The following KCNN2 variants were observed in gnomAD, a reference collection of about 807,000 sequenced individuals.
KCNN2 encodes the protein small conductance calcium-activated potassium channel protein 2.
Under a neutral mutation model 55.5 loss-of-function variants are expected in KCNN2, and 24 were observed. The ratio of observed to expected loss-of-function variants is 0.43; its 90% CI spans 0.31 to 0.61. The LOEUF (loss-of-function observed/expected upper bound fraction) is 0.61, where lower values mean the gene tolerates loss of function less well. Ranked by LOEUF, KCNN2 falls within the 20% of genes least tolerant of loss-of-function variation. The pLI is 0.08. For synonymous variants in KCNN2, 431 were observed against 336.1 expected (o/e 1.28, Z -3.09); for missense variants, 754 against 853.6 (o/e 0.88, Z 1.45).
rs768071219 is a variant in KCNN2 at position 114,127,112 on chromosome 5, C to G, written c.-271+70612C>G. On this transcript the variant is annotated intron_variant, in intron 1 of 10. Coordinates refer to the KCNN2 transcript ENST00000512097. ...ATGAGCTGGCATTGAGCGTCTGAGA[C>G]TTTTCCAGGTGCATGGTGCAAGCTG... 1.6e-4 allele frequency among the ~76,000 whole-genome samples: 25 copies of G among 152,156 alleles called. 1 individual carries two copies. The highest frequency in any genetic ancestry group is 2.5e-4 in the Non-Finnish European group (17 of 68,040).
At chr5:114,059,515 C>T (rs1750282620) in intron 1 of KCNN2, among the ~76,000 whole-genome samples, 1 of 151,948 alleles carries the variant, frequency 6.6e-6, no homozygotes. Context: ...TGTTTTTTCC[C>T]CTAGCAAAGT....
chr5:114,211,024 C>CCAGT (rs895955348), intron 1 of KCNN2, among the ~76,000 whole-genome samples: 35 of 151,960 alleles, frequency 2.3e-4, no homozygotes. Context: ...CCATTTCACA[C>CCAGT]CAGTCAGAAT....
intron 3 of KCNN2, among the ~76,000 whole-genome samples, chr5:114,421,236 A>AT (rs397708071): frequency 6.6e-6 from 1 of 151,768 alleles, no homozygotes; most frequent in Non-Finnish European, 1.5e-5. Context: ...CAAAAAAAAA[A>AT]GCCAACATGT....
intron 1 of KCNN2, among the ~76,000 whole-genome samples, chr5:114,192,092 G>T (rs970199388): frequency 6.6e-6 from 1 of 152,142 alleles, no homozygotes; most frequent in Non-Finnish European, 1.5e-5. Flanking sequence ...GCCAAGATGT[G>T]CATTTTTAGG....
At chr5:114,374,364 T>G (rs1253076559) in intron 2 of KCNN2, among the ~76,000 whole-genome samples, 1 of 152,186 alleles carries the variant, frequency 6.6e-6, no homozygotes, top group Non-Finnish European at 1.5e-5. Context: ...TACATGTAAA[T>G]GACTGTAGTT....
chr5:114,349,209 G>A (rs1341389903), intron 2 of KCNN2, among the ~76,000 whole-genome samples: 2 of 152,040 alleles, frequency 1.3e-5, no homozygotes, highest in Non-Finnish European at 2.9e-5. Context: ...AGGTTCATCC[G>A]TGTTGTATCA....
intron 3 of KCNN2, among the ~76,000 whole-genome samples, chr5:114,410,219 G>A (rs35212566): frequency 2.8e-3 from 431 of 152,202 alleles, no homozygotes; most frequent in Admixed American, 4.3e-3. Flanking sequence ...CTGAAGATTG[G>A]GAATTATCCA....
At chr5:114,218,089 A>T (rs779441969) in intron 1 of KCNN2, among the ~76,000 whole-genome samples, 1 of 152,246 alleles carries the variant, frequency 6.6e-6, no homozygotes, top group Non-Finnish European at 1.5e-5. Flanking sequence ...GAATGCTGAC[A>T]ATACCAAATG....
At chr5:114,297,930 G>T (rs1384585954) in intron 2 of KCNN2, among the ~76,000 whole-genome samples, 1 of 151,972 alleles carries the variant, frequency 6.6e-6, no homozygotes, top group African/African-American at 2.4e-5. Context: ...TTCCTTATAC[G>T]TGAAATGGAA....
At chr5:114,434,736 G>C (rs1266271403) in intron 3 of KCNN2, among the ~76,000 whole-genome samples, 1 of 152,104 alleles carries the variant, frequency 6.6e-6, no homozygotes, top group African/African-American at 2.4e-5. Flanking sequence ...GTGCTTCTCA[G>C]GTTTTTTTCC....
At chr5:114,290,518 C>A (rs1280932052) in intron 2 of KCNN2, among the ~76,000 whole-genome samples, 1 of 151,880 alleles carries the variant, frequency 6.6e-6, no homozygotes, top group Non-Finnish European at 1.5e-5. Context: ...TTATCAATTT[C>A]ATTGATTTTT....
chr5:114,245,754 C>T (rs549213492), intron 2 of KCNN2, among the ~76,000 whole-genome samples: 1 of 152,280 alleles, frequency 6.6e-6, no homozygotes, highest in Non-Finnish European at 1.5e-5. Flanking sequence ...CTCTTCCTTT[C>T]ACAGTTGAGG....
intron 1 of KCNN2, among the ~76,000 whole-genome samples, chr5:114,166,756 C>T (rs1388525531): frequency 2.6e-5 from 4 of 152,064 alleles, no homozygotes; most frequent in Non-Finnish European, 5.9e-5. Context: ...ATGTTGAAAT[C>T]CCAACCCGTA....
intron 1 of KCNN2, among the ~76,000 whole-genome samples, chr5:114,169,898 G>A (rs1365912766): frequency 1.3e-5 from 2 of 152,068 alleles, no homozygotes; most frequent in African/African-American, 2.4e-5. Context: ...ATTTTGAGCA[G>A]TGTGAAATAG....
chr5:114,460,221 G>T (rs1462495602), intron 3 of KCNN2, among the ~76,000 whole-genome samples: 3 of 151,914 alleles, frequency 2.0e-5, no homozygotes, highest in Non-Finnish European at 4.4e-5. Context: ...ACATGCCTAG[G>T]AAGGTTGTTT....
intron 1 of KCNN2, among the ~76,000 whole-genome samples, chr5:114,175,365 T>C (rs1753114073): frequency 6.6e-6 from 1 of 152,228 alleles, no homozygotes; most frequent in Non-Finnish European, 1.5e-5. Context: ...TTTCTAGGCA[T>C]AGGTAAATTT....
At chr5:114,490,578 T>G (rs1747797854) in intron 6 of KCNN2, 3 of 396,178 alleles carry the variant, frequency 7.6e-6, no homozygotes, top group Non-Finnish European at 1.3e-5. Flanking sequence ...TTCCAGCTAA[T>G]GAATCGAGCC....
intron 1 of KCNN2, among the ~76,000 whole-genome samples, chr5:114,075,818 A>G (rs1010806851): frequency 6.6e-6 from 1 of 152,174 alleles, no homozygotes; most frequent in Non-Finnish European, 1.5e-5. Flanking sequence ...CCATGCTGCT[A>G]CTTCTATGTT....
chr5:114,440,426 C>T (rs1226333672), intron 3 of KCNN2, among the ~76,000 whole-genome samples: 1 of 152,080 alleles, frequency 6.6e-6, no homozygotes, highest in African/African-American at 2.4e-5. Context: ...TAAAGGATTT[C>T]CCTCAAAAAG....
Sources: allele counts gnomAD v4.1 joint callset (sites outside exome capture counted in the v4.1 genomes callset), GRCh38; gene constraint gnomAD v4.1.1; transcripts MANE v1.5; gene names NCBI Gene and HGNC (gene_info 2026-07-23, HGNC 2026-07-21).